The following DNAH1 variants were observed in gnomAD, a reference collection of about 807,000 sequenced individuals.
DNAH1 encodes axonemal beta dynein heavy chain 1.
DNAH1 carries 327 observed loss-of-function variants against 484.3 expected under a neutral mutation model. The observed-to-expected ratio is 0.68, with a 90% CI of 0.62 to 0.74. The LOEUF (loss-of-function observed/expected upper bound fraction) is 0.74. Ranked by LOEUF, DNAH1 falls within the 30% of genes least tolerant of loss-of-function variation. The pLI, the probability that DNAH1 is intolerant of heterozygous loss-of-function variation, is 0.00. For synonymous variants in DNAH1, 2,192 were observed against 2,191.9 expected, an observed-to-expected ratio of 1.00 and a Z score of 0.00; for missense variants, 5,052 against 5,546.8, an observed-to-expected ratio of 0.91 and a Z score of 2.83.
intron 14 of DNAH1, 114 bp from the exon 15 acceptor site, chr3:52,349,875 T>C: frequency 7.1e-7 from 1 of 1,415,114 alleles, no homozygotes; most frequent in Non-Finnish European, 9.5e-7. Flanking sequence ...CAGGATGTTG[T>C]GGTGGAGGGG....
chr3:52,374,146 G>A lies in DNAH1; in HGVS notation c.6985+1093G>A, dbSNP rs1010024637. 4.1e-6 allele frequency: 5 copies of A among 1,233,086 alleles called. No individual in the cohort carries two copies. The African/African-American group carries it at 5.9e-5, about 15-fold the overall frequency. 76.4% of individuals were successfully genotyped at this position (1,233,086 alleles called of 1,614,324 possible). A position where few individuals can be genotyped will look rare whatever the true frequency, so the allele number is the denominator to read the frequency against. ...GAATCTATGGGAAATTCCTAGGCTT[G>A]AGAGCTTACATCAGAAAACAGATAA... On this transcript the variant is annotated intron_variant, in intron 44 of 77. Coordinates refer to ENST00000420323, the MANE Select transcript of DNAH1 (RefSeq NM_015512.5).
rs1578214285 is a variant in DNAH1, at chr3:52,400,353, C to T, written c.12705C>T (p.Thr4235=). The change falls in exon 78 of 78, where the codon ACC becomes ACT. Residue 4235 remains threonine, a synonymous_variant. Coordinates refer to ENST00000420323, the MANE Select transcript of DNAH1 (RefSeq NM_015512.5). ...AGTLSTTGHS[T]NYVIAVEIPT... is the part of the protein sequence containing the mutation. Reference sequence around the variant, plus strand: ...CACTATCAACCACAGGACACTCTACCAACTATGTCATTGCTGTGGAGATCC... The same window carrying T: ...CACTATCAACCACAGGACACTCTACTAACTATGTCATTGCTGTGGAGATCC... 8.1e-6 allele frequency: 13 copies of T among 1,614,010 alleles called. No individual in the cohort carries two copies. Among genetic ancestry groups the T allele is most frequent in the Non-Finnish European group, 1.1e-5 (13 of 1,179,888 alleles).
chr3:52,399,643 C>A lies in DNAH1; in HGVS notation c.12540C>A (p.Ala4180=), dbSNP rs1235264959. Residue 4180 remains alanine, a synonymous_variant, in exon 77 of 78, where the codon GCC becomes GCA. Coordinates refer to ENST00000420323, the MANE Select transcript of DNAH1 (RefSeq NM_015512.5). The part of the protein sequence containing the change: ...FLEGARWDPE[A]FQLAESQPKE... ...AAGGTGCCCGCTGGGATCCAGAGGC[C>A]TTCCAGCTGGCTGAGTCTCAGCCCA... 3.7e-6 allele frequency: 6 copies of A among 1,614,016 alleles called. No individual in the cohort carries two copies. In the East Asian group the frequency reaches 1.3e-4, roughly 36 times the overall value.
chr3:52,350,730 A>G (rs560751183), intron 16 of DNAH1, 140 bp downstream of exon 16: 25 of 837,798 alleles, frequency 3.0e-5, no homozygotes, highest in African/African-American at 2.5e-4. Flanking sequence ...TTCAGAGGCC[A>G]GGGCTCCACA....
intron 5 of DNAH1, 124 bp from the exon 6 acceptor site, chr3:52,327,758 C>T: frequency 8.6e-7 from 1 of 1,166,224 alleles, no homozygotes; most frequent in Non-Finnish European, 1.2e-6. Flanking sequence ...CCCCCAGTGC[C>T]ACCTTGCAGC....
At chr3:52,321,158 C>T (rs1417966442) in intron 1 of DNAH1, among the ~76,000 whole-genome samples, 2 of 150,918 alleles carry the variant, frequency 1.3e-5, no homozygotes, top group Non-Finnish European at 2.9e-5. Flanking sequence ...CTCTTGTCAC[C>T]CAGGCTGGGG....
At chr3:52,317,459 G>C (rs1456467193) in intron 1 of DNAH1, among the ~76,000 whole-genome samples, 1 of 152,178 alleles carries the variant, frequency 6.6e-6, no homozygotes, top group Non-Finnish European at 1.5e-5. Flanking sequence ...TCAGTGCCCT[G>C]ACCAGCTGTC....
upstream of DNAH1, among the ~76,000 whole-genome samples, chr3:52,312,576 T>G (rs971756957): frequency 6.6e-6 from 1 of 151,728 alleles, no homozygotes; most frequent in Non-Finnish European, 1.5e-5. Context: ...GTTCAGGCAG[T>G]TCTCCTGCCT....
rs1451227564 is a variant in DNAH1 at position 52,368,242 on chromosome 3, C to A, written c.5766-499C>A. 6.6e-6 allele frequency among the ~76,000 whole-genome samples: 1 copy of A among 152,142 alleles called. No individual in the cohort carries two copies. The highest frequency in any genetic ancestry group is 1.5e-5 in the Non-Finnish European group (1 of 68,018). ...TTACTGAAACTGGATTTTACAAGGA[C>A]GTGCATATATGGGCACCTAGGAGAA... On this transcript the variant is annotated intron_variant, in intron 36 of 77. Coordinates refer to ENST00000420323, the MANE Select transcript of DNAH1 (RefSeq NM_015512.5). This position sits in a 1 kb window ranked among gnomAD's most constrained non-coding sequence, Gnocchi z 4.4.
chr3:52,328,114 G>A (rs531450638), intron 6 of DNAH1, 100 bp downstream of exon 6: 31 of 1,496,046 alleles, frequency 2.1e-5, no homozygotes, highest in South Asian at 2.5e-5. Context: ...CACCGGAGGC[G>A]AGGGGTCTTT....
At chr3:52,315,656 C>G (rs1286106540), upstream of DNAH1, among the ~76,000 whole-genome samples, 2 of 152,222 alleles carry the variant, frequency 1.3e-5, no homozygotes, top group South Asian at 4.1e-4. Flanking sequence ...GACCTCTCTT[C>G]CAGCTTATTC....
intron 26 of DNAH1, among the ~76,000 whole-genome samples, chr3:52,359,683 C>T (rs1031433045): frequency 6.6e-6 from 1 of 152,230 alleles, no homozygotes; most frequent in African/African-American, 2.4e-5. Flanking sequence ...CTCCCCCTCC[C>T]GGCTTTAAGG....
intron 16 of DNAH1, among the ~76,000 whole-genome samples, 187 bp downstream of exon 16, chr3:52,350,777 G>A (rs1209701424): frequency 1.3e-5 from 2 of 152,224 alleles, no homozygotes; most frequent in African/African-American, 4.8e-5. Flanking sequence ...GTGGCCGAAG[G>A]AATTCATTTG....
At chr3:52,399,256 G>A in intron 76 of DNAH1, 55 bp downstream of exon 76, 1 of 1,518,584 alleles carries the variant, frequency 6.6e-7, no homozygotes, top group Non-Finnish European at 8.9e-7. Flanking sequence ...AGCCCAGGGA[G>A]GAGAGGCTCT....
chr3:52,354,731 C>T (rs576606278), intron 20 of DNAH1, 112 bp from the exon 21 acceptor site: 3 of 989,008 alleles, frequency 3.0e-6, no homozygotes, highest in African/African-American at 3.2e-5. Flanking sequence ...GCCAGAGCGG[C>T]CATGTGGAGG....
At chr3:52,336,391 A>G (rs1701744135) in intron 8 of DNAH1, among the ~76,000 whole-genome samples, 1 of 152,116 alleles carries the variant, frequency 6.6e-6, no homozygotes, top group African/African-American at 2.4e-5. Context: ...TCTCTACCAA[A>G]GAACATAAAA....
chr3:52,388,972 C>G, intron 59 of DNAH1, 35 bp downstream of exon 59: 2 of 1,550,724 alleles, frequency 1.3e-6, no homozygotes, highest in South Asian at 2.4e-5. Flanking sequence ...TGACCAGCCT[C>G]GCCTTCCCAA....
rs371897357 is a variant in DNAH1, at chr3:52,331,324, C to T, written c.1033+15C>T. 76 of 1,595,198 alleles carry T rather than the reference C, an allele frequency of 4.8e-5. 1 individual carries two copies. The African/African-American group carries it at 8.7e-4, about 18-fold the overall frequency. On this transcript the variant is annotated intron_variant, in intron 7 of 77. Coordinates refer to ENST00000420323, the MANE Select transcript of DNAH1 (RefSeq NM_015512.5). The stretch of plus-strand genomic sequence containing the variant: ...CACCACTGAAGGTATGAGGTCCTGC[C>T]GCTGCCCCAGGCAGAACCCCAGCTT...
rs1204854494 is a variant in DNAH1, at chr3:52,364,910, C to T, written c.5409C>T (p.Gly1803=). 1.2e-6 allele frequency: 2 copies of T among 1,614,050 alleles called. No homozygotes were observed. The highest frequency in any genetic ancestry group is 2.2e-5 in the East Asian group (1 of 44,886). The change falls in exon 34 of 78, where the codon GGC becomes GGT. Residue 1803 remains glycine (G), a synonymous_variant. Transcript: ENST00000420323. This position sits in a 1 kb window ranked among gnomAD's most constrained non-coding sequence, Gnocchi z 4.2. ...AGGAGGACCTCAAGCTCTTCTCTGG[C>T]ATCGTGTCCGACCTGTTTCCCACCA... The part of the protein sequence containing the change: ...FLQEDLKLFS[G]IVSDLFPTIK...
Sources: allele counts gnomAD v4.1 joint callset (sites outside exome capture counted in the v4.1 genomes callset), GRCh38; gene constraint gnomAD v4.1.1; non-coding constraint Gnocchi (gnomAD v3.1); transcripts MANE v1.5; gene names NCBI Gene and HGNC (gene_info 2026-07-23, HGNC 2026-07-21).